Variants in TRAPPC9 observed in about 807,000 individuals in gnomAD.
The protein encoded by TRAPPC9 is IKK2 binding protein.
TRAPPC9 carries 83 observed loss-of-function variants against 124.0 expected under a neutral mutation model. The observed-to-expected ratio is 0.67, with a 90% CI of 0.56 to 0.80. The LOEUF is 0.80. TRAPPC9 is among the 30% of genes least tolerant of loss of function. The pLI is 0.00. For synonymous variants in TRAPPC9, 638 were observed against 617.5 expected (o/e 1.03, Z -0.49); for missense variants, 1,302 against 1,508.3 (o/e 0.86, Z 2.27).
In TRAPPC9 at chr8:140,023,244, T is replaced by C. The variant is rs554173073; in HGVS notation, c.2699+693A>G. ...GGGTCCCCAGCTGGCAGGAGCTTCA[T>C]TCACCTCCAGCTTCTAGATTCCACT... On this transcript the variant is annotated intron_variant, in intron 18 of 22. Coordinates refer to ENST00000438773, the MANE Select transcript of TRAPPC9 (RefSeq NM_001160372.4). Among the ~76,000 whole-genome samples the C allele has an allele frequency of 3.7e-4, 56 of 152,298 alleles. 1 individual carries two copies. The highest frequency in any genetic ancestry group is 1.3e-3 in the African/African-American group (55 of 41,570).
At chr8:139,933,349 T>C (rs1833316807) in intron 19 of TRAPPC9, 1 of 152,270 alleles carries the variant, frequency 6.6e-6, no homozygotes, top group African/African-American at 2.4e-5. Flanking sequence ...GCAGTGCTGA[T>C]AGAACCAAGT....
intron 1 of TRAPPC9, among the ~76,000 whole-genome samples, chr8:140,453,819 C>T (rs928476820): frequency 6.6e-6 from 1 of 152,170 alleles, no homozygotes; most frequent in Admixed American, 6.5e-5. Context: ...CACCTTCCAA[C>T]AAAGAGGCAT....
At chr8:139,796,452 T>C (rs1361238858) in intron 21 of TRAPPC9, among the ~76,000 whole-genome samples, 3 of 152,162 alleles carry the variant, frequency 2.0e-5, no homozygotes, top group Non-Finnish European at 2.9e-5. Context: ...CTTGAATGCA[T>C]GTGTCTACGA....
intron 7 of TRAPPC9, among the ~76,000 whole-genome samples, chr8:140,384,359 G>T (rs1382315329): frequency 1.3e-5 from 2 of 152,114 alleles, no homozygotes; most frequent in Non-Finnish European, 2.9e-5. Flanking sequence ...AAAAGACACA[G>T]ACTGGCAAAT....
intron 19 of TRAPPC9, among the ~76,000 whole-genome samples, chr8:139,950,956 G>C (rs141171738): frequency 6.6e-6 from 1 of 152,154 alleles, no homozygotes; most frequent in Non-Finnish European, 1.5e-5. Flanking sequence ...ACTATAAAAG[G>C]GTGAGGTGAG....
chr8:139,805,247 A>G (rs2130711256), intron 21 of TRAPPC9, among the ~76,000 whole-genome samples: 1 of 152,288 alleles, frequency 6.6e-6, no homozygotes, highest in South Asian at 2.1e-4. Context: ...GGCTTTGTGG[A>G]ATCTAGCGTG....
chr8:140,081,332 G>C (rs947952543), intron 17 of TRAPPC9, among the ~76,000 whole-genome samples: 1 of 138,706 alleles, frequency 7.2e-6, no homozygotes, highest in Non-Finnish European at 1.5e-5. Flanking sequence ...TCAAGGTGAA[G>C]AATAAAATGA....
At chr8:139,934,913 C>A (rs980900715) in intron 19 of TRAPPC9, among the ~76,000 whole-genome samples, 1 of 152,194 alleles carries the variant, frequency 6.6e-6, no homozygotes, top group Non-Finnish European at 1.5e-5. Flanking sequence ...TGGGTCAAAC[C>A]AGGTTAGCTT....
intron 21 of TRAPPC9, among the ~76,000 whole-genome samples, chr8:139,779,343 A>T (rs1205542154): frequency 1.3e-5 from 2 of 152,208 alleles, no homozygotes; most frequent in South Asian, 4.1e-4. Flanking sequence ...GCAGACTCGC[A>T]TTATCAGAAC....
intron 21 of TRAPPC9, among the ~76,000 whole-genome samples, chr8:139,822,574 C>T (rs1825322137): frequency 6.6e-6 from 1 of 152,144 alleles, no homozygotes; most frequent in South Asian, 2.1e-4. Flanking sequence ...CTAGAGATGG[C>T]CTCCCTCAAG....
intron 19 of TRAPPC9, among the ~76,000 whole-genome samples, chr8:139,936,210 T>C (rs996816154): frequency 2.0e-5 from 3 of 152,214 alleles, no homozygotes; most frequent in Non-Finnish European, 4.4e-5. Context: ...ACAAACCGTC[T>C]AGCACGCACC....
chr8:139,777,841 G>T (rs1433432121), intron 21 of TRAPPC9, among the ~76,000 whole-genome samples: 2 of 152,234 alleles, frequency 1.3e-5, no homozygotes, highest in Non-Finnish European at 2.9e-5. Flanking sequence ...CCAGCTCATT[G>T]TGACAGCACA....
intron 17 of TRAPPC9, among the ~76,000 whole-genome samples, chr8:140,071,911 G>C (rs1326228167): frequency 6.6e-6 from 1 of 152,224 alleles, no homozygotes; most frequent in African/African-American, 2.4e-5. Flanking sequence ...ACAAGGACCA[G>C]TTAGCACTGG....
At chr8:139,916,994 G>A (rs1309377730) in intron 19 of TRAPPC9, among the ~76,000 whole-genome samples, 2 of 152,110 alleles carry the variant, frequency 1.3e-5, no homozygotes, top group Non-Finnish European at 1.5e-5. Context: ...CAAGTGAGAG[G>A]GAAGCAGTCA....
In TRAPPC9 at chr8:139,776,892, C is replaced by A. The variant is rs1380889659; in HGVS notation, c.3056-44690G>T. 6.6e-6 allele frequency among the ~76,000 whole-genome samples: 1 copy of A among 152,202 alleles called. No individual in the cohort carries two copies. The highest frequency in any genetic ancestry group is 1.5e-5 in the Non-Finnish European group (1 of 68,038). ...ACAACATGGTTACTTTCGCCTAAACCACCAATTGATGACGTGGGGGCTGTG... is the reference window on the plus strand; with the variant it reads ...ACAACATGGTTACTTTCGCCTAAACAACCAATTGATGACGTGGGGGCTGTG... On this transcript the variant is annotated intron_variant, in intron 21 of 22. Transcript: ENST00000438773. The surrounding 1 kb of genome is among the most constrained non-coding windows in gnomAD (Gnocchi z 4.1).
chr8:140,238,977 A>T (rs1403018654), intron 16 of TRAPPC9, among the ~76,000 whole-genome samples: 1 of 152,204 alleles, frequency 6.6e-6, no homozygotes, highest in African/African-American at 2.4e-5. Flanking sequence ...TGGGCTGGCA[A>T]GAGTGGAGGG....
intron 7 of TRAPPC9, among the ~76,000 whole-genome samples, chr8:140,374,336 G>A (rs1286874175): frequency 6.6e-6 from 1 of 152,224 alleles, no homozygotes; most frequent in Non-Finnish European, 1.5e-5. Flanking sequence ...TTGGGAGGCC[G>A]AGGCAGGCAG....
intron 7 of TRAPPC9, among the ~76,000 whole-genome samples, chr8:140,376,524 C>A (rs1279035973): frequency 1.5e-5 from 2 of 132,582 alleles, no homozygotes; most frequent in Non-Finnish European, 3.1e-5. Context: ...CCACTGCACT[C>A]TAGCCTGGGC....
intron 21 of TRAPPC9, among the ~76,000 whole-genome samples, chr8:139,732,871 G>A (rs1044878717): frequency 6.6e-6 from 1 of 152,198 alleles, no homozygotes; most frequent in Non-Finnish European, 1.5e-5. Context: ...CTGGTCCTGG[G>A]CGAAGGAGCA....
Sources: allele counts gnomAD v4.1 joint callset (sites outside exome capture counted in the v4.1 genomes callset), GRCh38; gene constraint gnomAD v4.1.1; non-coding constraint Gnocchi (gnomAD v3.1); transcripts MANE v1.5; gene names NCBI Gene and HGNC (gene_info 2026-07-23, HGNC 2026-07-21).